The following TMEM132D variants were observed in gnomAD, a reference collection of about 807,000 sequenced individuals.
TMEM132D encodes the protein mature OL transmembrane protein.
A neutral mutation model predicts 62.3 loss-of-function variants in TMEM132D; 21 were observed. That is an observed-to-expected ratio of 0.34 (90% CI 0.24 to 0.49). The LOEUF is 0.49. Among genes scored for constraint, TMEM132D ranks in the 20% least tolerant of loss-of-function variants. TMEM132D has a pLI of 0.99. For synonymous variants in TMEM132D, 621 were observed against 575.6 expected (o/e 1.08, Z -1.13); for missense variants, 1,346 against 1,402.8 (o/e 0.96, Z 0.65).
At chr12:129,517,687 A>T (rs1875722731) in intron 3 of TMEM132D, among the ~76,000 whole-genome samples, 1 of 152,234 alleles carries the variant, frequency 6.6e-6, no homozygotes, top group Admixed American at 6.5e-5. Flanking sequence ...TGCAAAATTC[A>T]ATCCACATCT....
At chr12:129,244,380 T>C (rs1422734704) in intron 4 of TMEM132D, among the ~76,000 whole-genome samples, 53 of 65,494 alleles carry the variant, frequency 8.1e-4, no homozygotes, top group Non-Finnish European at 1.2e-3. Flanking sequence ...AGCGAGACTC[T>C]GTCTCAAAAA....
At chr12:129,361,239 C>G (rs1050139570) in intron 3 of TMEM132D, among the ~76,000 whole-genome samples, 3 of 152,198 alleles carry the variant, frequency 2.0e-5, no homozygotes, top group African/African-American at 7.2e-5. Flanking sequence ...AGCAGGGGAA[C>G]TGGCAGGACT....
intron 1 of TMEM132D, among the ~76,000 whole-genome samples, chr12:129,800,840 A>G (rs1228655117): frequency 6.6e-6 from 1 of 152,110 alleles, no homozygotes; most frequent in Non-Finnish European, 1.5e-5. Flanking sequence ...GACAGTGGGC[A>G]CAGCTCAGTG....
chr12:129,459,892 C>G (rs1399702283), intron 3 of TMEM132D, among the ~76,000 whole-genome samples: 2 of 152,148 alleles, frequency 1.3e-5, no homozygotes, highest in East Asian at 3.9e-4. Flanking sequence ...ATTAGGATTT[C>G]ATATTAAGAT....
At chr12:129,715,760 T>C (rs1328450056) in intron 1 of TMEM132D, among the ~76,000 whole-genome samples, 1 of 152,248 alleles carries the variant, frequency 6.6e-6, no homozygotes, top group African/African-American at 2.4e-5. Context: ...ATGAGATTCA[T>C]GATTTTACCT....
chr12:129,328,840 T>C lies in TMEM132D; in HGVS notation c.1299+8794A>G, dbSNP rs117467831. Reference sequence around the variant, plus strand: ...GAGCTCATCCATCTGGAATCTAATTTCAGCTCAGCTTCTTAGCTGGGTAGC... The same window carrying C: ...GAGCTCATCCATCTGGAATCTAATTCCAGCTCAGCTTCTTAGCTGGGTAGC... On this transcript the variant is annotated intron_variant, in intron 4 of 8. Coordinates refer to ENST00000422113, the MANE Select transcript of TMEM132D (RefSeq NM_133448.3). Among the ~76,000 whole-genome samples the C allele has an allele frequency of 1.2e-3, 178 of 152,176 alleles. 2 individuals carry two copies. Among genetic ancestry groups the C allele is most frequent in the Non-Finnish European group, 2.0e-3 (136 of 68,002 alleles).
intron 3 of TMEM132D, among the ~76,000 whole-genome samples, chr12:129,451,965 G>T (rs1261069707): frequency 6.6e-6 from 1 of 152,192 alleles, no homozygotes; most frequent in Non-Finnish European, 1.5e-5. Flanking sequence ...TGGTGAGTAG[G>T]CAAGTAGCAA....
chr12:129,197,892 A>G (rs913702621), intron 5 of TMEM132D, among the ~76,000 whole-genome samples: 3 of 152,252 alleles, frequency 2.0e-5, no homozygotes. Context: ...CATACATCCA[A>G]TAAGGGTTAA....
At chr12:129,661,164 C>T (rs922728204) in intron 2 of TMEM132D, among the ~76,000 whole-genome samples, 1 of 152,010 alleles carries the variant, frequency 6.6e-6, no homozygotes, top group Non-Finnish European at 1.5e-5. Flanking sequence ...CATACAGTTT[C>T]CTGGGCTAAC....
intron 5 of TMEM132D, among the ~76,000 whole-genome samples, chr12:129,103,647 T>G (rs1875389058): frequency 6.6e-6 from 1 of 152,208 alleles, no homozygotes; most frequent in Non-Finnish European, 1.5e-5. Context: ...CCTCCTAAAG[T>G]GCTGGGATTA....
chr12:129,317,375 C>T (rs775241991), intron 4 of TMEM132D, among the ~76,000 whole-genome samples: 3 of 152,088 alleles, frequency 2.0e-5, no homozygotes, highest in South Asian at 4.1e-4. Context: ...TGTCTGAAAA[C>T]GATTGTATCT....
At chr12:129,847,545 A>T (rs1010684173) in intron 1 of TMEM132D, among the ~76,000 whole-genome samples, 2 of 152,124 alleles carry the variant, frequency 1.3e-5, no homozygotes, top group Non-Finnish European at 2.9e-5. Context: ...CCATGGCTTA[A>T]AATCAGCAGA....
chr12:129,588,259 G>A (rs1321567309), intron 2 of TMEM132D, among the ~76,000 whole-genome samples: 1 of 152,316 alleles, frequency 6.6e-6, no homozygotes, highest in South Asian at 2.1e-4. Context: ...TATAGGTTAA[G>A]CCACAGTCTT....
chr12:129,180,807 C>T (rs1878043599), intron 5 of TMEM132D, among the ~76,000 whole-genome samples: 1 of 152,062 alleles, frequency 6.6e-6, no homozygotes, highest in South Asian at 2.1e-4. Context: ...CTCTGATGGC[C>T]AGTGTGGCTG....
intron 3 of TMEM132D, among the ~76,000 whole-genome samples, chr12:129,437,812 C>T (rs1872827719): frequency 6.6e-6 from 1 of 150,742 alleles, no homozygotes; most frequent in Non-Finnish European, 1.5e-5. Flanking sequence ...CATAGGTATA[C>T]TTGTGCCATG....
intron 4 of TMEM132D, among the ~76,000 whole-genome samples, chr12:129,289,682 A>C (rs1434594254): frequency 6.6e-6 from 1 of 152,204 alleles, no homozygotes; most frequent in Non-Finnish European, 1.5e-5. Context: ...AACCAAACTC[A>C]AATTGAGGGG....
intron 1 of TMEM132D, among the ~76,000 whole-genome samples, chr12:129,753,829 C>T (rs1213758670): frequency 2.0e-5 from 3 of 152,208 alleles, no homozygotes; most frequent in African/African-American, 7.2e-5. Context: ...AAAATATTTT[C>T]AAGTATTACT....
At chr12:129,817,791 T>G (rs1593173583) in intron 1 of TMEM132D, among the ~76,000 whole-genome samples, 2 of 89,668 alleles carry the variant, frequency 2.2e-5, no homozygotes, top group Non-Finnish European at 2.1e-5. Flanking sequence ...GTCTGTGGTT[T>G]GGGGGTGTGT....
chr12:129,894,924 T>G (rs1461903185), intron 1 of TMEM132D, among the ~76,000 whole-genome samples: 1 of 152,228 alleles, frequency 6.6e-6, no homozygotes, highest in Non-Finnish European at 1.5e-5. Flanking sequence ...CATGTTAGAT[T>G]GTCCTCATCT....
Sources: gnomAD v4.1 joint callset for allele counts (sites outside exome capture counted in the v4.1 genomes callset) on GRCh38, gnomAD v4.1.1 for gene constraint, MANE v1.5 for transcripts, NCBI Gene and HGNC (gene_info 2026-07-23, HGNC 2026-07-21) for gene names.